The following SLC13A5 variants were observed in gnomAD, a reference collection of about 807,000 sequenced individuals.
SLC13A5 encodes the protein solute carrier family 13 member 5.
SLC13A5 carries 25 observed loss-of-function variants against 56.5 expected under a neutral mutation model. The observed-to-expected ratio is 0.44, with a 90% CI of 0.32 to 0.62. SLC13A5 has a LOEUF of 0.62. SLC13A5 is among the 20% of genes least tolerant of loss of function. The pLI, the probability that SLC13A5 is intolerant of heterozygous loss-of-function variation, is 0.04. For missense variants in SLC13A5, 649 were observed against 737.8 expected (o/e 0.88, Z 1.39); for synonymous variants, 307 against 301.5 (o/e 1.02, Z -0.19).
Position 6,687,859 on chromosome 17 carries a change from A to G in SLC13A5, c.1438-193T>C, listed in dbSNP as rs1973292519. 9.9e-6 allele frequency: 6 copies of G among 607,540 alleles called. No homozygotes were observed. The South Asian group carries it at 1.7e-4, about 17-fold the overall frequency. The allele number at this position is 607,540 out of a possible 1,614,324, so 37.6% of individuals were successfully genotyped here. ...ACACTGAAGGCTGAGGTCAGAGGCC[A>G]CCTGCCCTAGAAGGCCTTACCCCCT... On this transcript the variant is annotated intron_variant, in intron 10 of 11. Coordinates refer to ENST00000433363, the MANE Select transcript of SLC13A5 (RefSeq NM_177550.5). This position sits in a 1 kb window ranked among gnomAD's most constrained non-coding sequence, Gnocchi z 5.0.
At chr17:6,707,193 C>T in intron 1 of SLC13A5, 37 bp from the exon 2 acceptor site, 1 of 1,609,718 alleles carries the variant, frequency 6.2e-7, no homozygotes, top group South Asian at 1.1e-5. Context: ...CGTGTTGCCG[C>T]CTCCCTCTCC....
Position 6,692,079 on chromosome 17 carries a change from A to C in SLC13A5, c.1275+965T>G, listed in dbSNP as rs172642. On this transcript the variant is annotated intron_variant, in intron 9 of 11. Coordinates refer to ENST00000433363, the MANE Select transcript of SLC13A5 (RefSeq NM_177550.5). This position sits in a 1 kb window ranked among gnomAD's most constrained non-coding sequence, Gnocchi z 5.5. Reference sequence around the variant, plus strand: ...CTCCTCTGTAATCTCTGTGCCTGGCATAACACTAGGGACATAATAGGAATG... The same window carrying C: ...CTCCTCTGTAATCTCTGTGCCTGGCCTAACACTAGGGACATAATAGGAATG... Among the ~76,000 whole-genome samples, 97,070 of 151,946 alleles carry C rather than the reference A, an allele frequency of 0.64. 32,723 individuals are homozygous for C. The highest frequency in any genetic ancestry group is 0.85 in the African/African-American group (35,103 of 41,410).
Position 6,685,584 on chromosome 17 carries a change from GCAAC to G in SLC13A5, c.*619_*622del. Reference sequence around the variant, plus strand: ...CAAGCCAGGTGTCGTCCTGAAGTTGGCAACTCAGATTCCTCATCCTTTGGTGGTG... The same window carrying G: ...CAAGCCAGGTGTCGTCCTGAAGTTGGTCAGATTCCTCATCCTTTGGTGGTG... On this transcript the variant is annotated 3_prime_UTR_variant, in exon 12 of 12. Transcript: ENST00000433363. This position sits in a 1 kb window ranked among gnomAD's most constrained non-coding sequence, Gnocchi z 4.2. The G allele has an allele frequency of 6.5e-6, 1 of 153,922 alleles. No individual in the cohort carries two copies. Among genetic ancestry groups the G allele is most frequent in the Admixed American group, 6.4e-5 (1 of 15,674 alleles). 9.5% of individuals were successfully genotyped at this position (153,922 alleles called of 1,614,324 possible).
At chr17:6,705,222 T>A (rs754767766) in intron 3 of SLC13A5, 2 of 152,054 alleles carry the variant, frequency 1.3e-5, no homozygotes, top group Non-Finnish European at 2.9e-5. Context: ...TTTGCATGAA[T>A]GGAGTTGTCT....
chr17:6,706,906 A>G (rs778143929), intron 2 of SLC13A5, 122 bp downstream of exon 2: 3 of 1,558,078 alleles, frequency 1.9e-6, no homozygotes, highest in Non-Finnish European at 2.6e-6. Flanking sequence ...TCTCCCTGCC[A>G]GGGAGAATCC....
intron 6 of SLC13A5, 134 bp from the exon 7 acceptor site, chr17:6,696,075 G>A (rs116715176): frequency 1.6e-5 from 12 of 739,618 alleles, no homozygotes; most frequent in Non-Finnish European, 2.7e-5. Flanking sequence ...TATGGGGCCT[G>A]GAGAAAGGCC....
At chr17:6,703,834 A>G (rs1320043779) in intron 4 of SLC13A5, 44 bp downstream of exon 4, 1 of 1,489,156 alleles carries the variant, frequency 6.7e-7, no homozygotes, top group Non-Finnish European at 8.9e-7. Context: ...GAGGGAGGGG[A>G]AGGCTGCTGT....
At chr17:6,689,875 G>A (rs1400433775) in intron 10 of SLC13A5, 1 of 151,752 alleles carries the variant, frequency 6.6e-6, no homozygotes, top group Non-Finnish European at 1.5e-5. Context: ...TCATTTTGCA[G>A]TCTACAGAGG....
At position 6,706,683 on chromosome 17, in the gene SLC13A5, G is replaced by A. The variant is rs761010502; in HGVS notation, c.327C>T (p.Ile109=). 36 of 1,613,758 alleles carry A rather than the reference G, an allele frequency of 2.2e-5. No individual in the cohort carries two copies. The South Asian group carries it at 2.3e-4, about 10-fold the overall frequency. The change falls in exon 3 of 12, where the codon ATC becomes ATT. Residue 109 remains isoleucine (I), a synonymous_variant. Coordinates refer to ENST00000433363, the MANE Select transcript of SLC13A5 (RefSeq NM_177550.5). Reference sequence around the variant, plus strand: ...CCACCCAGAGGAGCGTGCGCAGGGCGATCCTCTTGTGCAGGTTCCAGCGCT... The same window carrying A: ...CCACCCAGAGGAGCGTGCGCAGGGCAATCCTCTTGTGCAGGTTCCAGCGCT... The part of the protein sequence containing the change: ...AVERWNLHKR[I]ALRTLLWVGA...
chr17:6,713,205 G>GA lies in SLC13A5; in HGVS notation c.102+26dup. On this transcript the variant is annotated intron_variant, in intron 1 of 11. Coordinates refer to ENST00000433363, the MANE Select transcript of SLC13A5 (RefSeq NM_177550.5). The surrounding 1 kb of genome is among the most constrained non-coding windows in gnomAD (Gnocchi z 7.3). ...AGTGGGCACAGGACGCCGGGTGTCC[G>GA]AAGGGCTGCCTGGAGATGCAACTGA... 5 of 1,609,752 alleles carry GA rather than the reference G, an allele frequency of 3.1e-6. No homozygotes were observed. Among genetic ancestry groups the GA allele is most frequent in the Non-Finnish European group, 4.2e-6 (5 of 1,177,224 alleles).
intron 8 of SLC13A5, 184 bp from the exon 9 acceptor site, chr17:6,693,346 T>A: frequency 1.8e-6 from 1 of 548,702 alleles, no homozygotes; most frequent in Non-Finnish European, 3.2e-6. Context: ...ATATATACAT[T>A]GCTGGTGAGG....
chr17:6,701,160 T>G lies in SLC13A5; in HGVS notation c.717-34A>C. 1 of 1,611,634 alleles carries G rather than the reference T, an allele frequency of 6.2e-7. No homozygotes were observed. Among genetic ancestry groups the G allele is most frequent in the Non-Finnish European group, 8.5e-7 (1 of 1,179,012 alleles). Reference sequence around the variant, plus strand: ...AGACACCGGCCCCCACCTCAGATGCTGAGCTGTGGGAGCCAGCCTGGCCCT... The same window carrying G: ...AGACACCGGCCCCCACCTCAGATGCGGAGCTGTGGGAGCCAGCCTGGCCCT... On this transcript the variant is annotated intron_variant, in intron 5 of 11. Coordinates refer to ENST00000433363, the MANE Select transcript of SLC13A5 (RefSeq NM_177550.5). This position sits in a 1 kb window ranked among gnomAD's most constrained non-coding sequence, Gnocchi z 4.1.
intron 9 of SLC13A5, among the ~76,000 whole-genome samples, chr17:6,691,868 C>A (rs922790092): frequency 1.3e-5 from 2 of 152,178 alleles, no homozygotes; most frequent in African/African-American, 2.4e-5. Context: ...CAAGTCCACA[C>A]CCCTCTATCT....
At chr17:6,693,446 C>T in intron 8 of SLC13A5, 2 of 263,520 alleles carry the variant, frequency 7.6e-6, no homozygotes, top group South Asian at 1.0e-4. Context: ...TTTTAAGGGC[C>T]ATTAAGACTT....
At chr17:6,700,569 A>C (rs1256597570) in intron 6 of SLC13A5, among the ~76,000 whole-genome samples, 1 of 152,144 alleles carries the variant, frequency 6.6e-6, no homozygotes, top group Non-Finnish European at 1.5e-5. Context: ...TAATTGCTTT[A>C]ACCTGCCTGC....
chr17:6,711,192 G>A lies in SLC13A5; in HGVS notation c.102+2040C>T, dbSNP rs556853382. Among the ~76,000 whole-genome samples, 8 of 152,170 alleles carry A rather than the reference G, an allele frequency of 5.3e-5. No homozygotes were observed. The highest frequency in any genetic ancestry group is 2.1e-4 in the South Asian group (1 of 4,820). On this transcript the variant is annotated intron_variant, in intron 1 of 11. Coordinates refer to ENST00000433363, the MANE Select transcript of SLC13A5 (RefSeq NM_177550.5). This position sits in a 1 kb window ranked among gnomAD's most constrained non-coding sequence, Gnocchi z 4.0. ...CACCAGCTTCCCAGCTGCCCTGCCC[G>A]TGCTGTGTACCCTCTGGGTTTCCTT...
chr17:6,689,806 G>A (rs1356440492), intron 10 of SLC13A5: 1 of 152,074 alleles, frequency 6.6e-6, no homozygotes, highest in Non-Finnish European at 1.5e-5. Context: ...TCAATCCTGT[G>A]TTCAGGCCCT....
chr17:6,706,951 T>C (rs1973886275), intron 2 of SLC13A5, 77 bp downstream of exon 2: 2 of 1,595,070 alleles, frequency 1.3e-6, no homozygotes, highest in African/African-American at 2.7e-5. Flanking sequence ...CCCAGGCCTG[T>C]GCGACTCACA....
rs575256764 is a variant in SLC13A5 at position 6,713,145 on chromosome 17, G to C, written c.102+87C>G. 4.4e-6 allele frequency: 6 copies of C among 1,355,052 alleles called. No individual in the cohort carries two copies. The highest frequency in any genetic ancestry group is 4.3e-5 in the African/African-American group (3 of 69,282). 83.9% of individuals were successfully genotyped at this position (1,355,052 alleles called of 1,614,324 possible). A position where few individuals can be genotyped will look rare whatever the true frequency, so the allele number is the denominator to read the frequency against. ...GCTGTGCTCCCCGCGAAATCCGTGC[G>C]CTCCAGCTCAGGGCTCCCGGGATCG... On this transcript the variant is annotated intron_variant, in intron 1 of 11. Transcript: ENST00000433363. This position sits in a 1 kb window ranked among gnomAD's most constrained non-coding sequence, Gnocchi z 7.3.
Sources: allele counts gnomAD v4.1 joint callset (sites outside exome capture counted in the v4.1 genomes callset), GRCh38; gene constraint gnomAD v4.1.1; non-coding constraint Gnocchi (gnomAD v3.1); transcripts MANE v1.5; gene names NCBI Gene and HGNC (gene_info 2026-07-23, HGNC 2026-07-21).